Variants in AKAP6 observed in about 807,000 individuals in gnomAD.
AKAP6 encodes the protein A-kinase anchoring protein 6.
A neutral mutation model predicts 188.5 loss-of-function variants in AKAP6; 58 were observed. The observed-to-expected ratio is 0.31, with a 90% CI of 0.25 to 0.38. The LOEUF (loss-of-function observed/expected upper bound fraction) is 0.38. AKAP6 is among the 10% of genes least tolerant of loss of function. The probability of loss-of-function intolerance (pLI) is 1.00; values close to 1 mark genes in which losing one functional copy is unlikely to be tolerated. For missense variants in AKAP6, 2,710 were observed against 2,740.0 expected (o/e 0.99, Z 0.24); for synonymous variants, 989 against 998.6 (o/e 0.99, Z 0.18).
At chr14:32,530,112 C>T (rs1431261815) in intron 2 of AKAP6, among the ~76,000 whole-genome samples, 3 of 151,780 alleles carry the variant, frequency 2.0e-5, no homozygotes, top group Non-Finnish European at 2.9e-5. Flanking sequence ...CTGCAGCCTA[C>T]ACCTCGTGGG....
chr14:32,722,812 C>A (rs1482661162), intron 9 of AKAP6, among the ~76,000 whole-genome samples: 17 of 152,186 alleles, frequency 1.1e-4, no homozygotes, highest in Admixed American at 1.1e-3. Flanking sequence ...ATTTGTGTGA[C>A]CTAATTCTTC....
intron 1 of AKAP6, among the ~76,000 whole-genome samples, chr14:32,416,880 G>A (rs950076653): frequency 1.3e-5 from 2 of 151,970 alleles, no homozygotes; most frequent in African/African-American, 4.8e-5. Flanking sequence ...CTGTCACCCA[G>A]GCTGGTGTTC....
At chr14:32,732,861 T>C (rs2031246854) in intron 10 of AKAP6, 3 of 601,916 alleles carry the variant, frequency 5.0e-6, no homozygotes, top group Non-Finnish European at 8.8e-6. Flanking sequence ...AAATATGCCA[T>C]GTATTATGGG....
intron 8 of AKAP6, among the ~76,000 whole-genome samples, chr14:32,683,035 C>T (rs1382894539): frequency 1.5e-5 from 2 of 130,346 alleles, no homozygotes; most frequent in Non-Finnish European, 3.2e-5. Context: ...GCTCTGTCGC[C>T]CAGGCTGGAG....
chr14:32,626,571 A>T (rs1271122789), intron 7 of AKAP6, among the ~76,000 whole-genome samples: 2 of 151,990 alleles, frequency 1.3e-5, no homozygotes, highest in Non-Finnish European at 2.9e-5. Flanking sequence ...ACCTCAGTCC[A>T]CTGGACCTGC....
rs181136877 is a variant in AKAP6 at position 32,616,143 on chromosome 14, C to T, written c.2730+15351C>T. Among the ~76,000 whole-genome samples the T allele has an allele frequency of 7.2e-4, 109 of 152,252 alleles. 1 individual carries two copies. The Middle Eastern group carries it at 0.01, about 14-fold the overall frequency. On this transcript the variant is annotated intron_variant, in intron 7 of 13. Coordinates refer to ENST00000280979, the MANE Select transcript of AKAP6 (RefSeq NM_004274.5). ...TTGCAGATAAAAAGGAATACTTATA[C>T]AGTGTTGGTGGGAGTGTAAATTAGC...
chr14:32,749,000 A>G (rs2032022231), intron 11 of AKAP6, among the ~76,000 whole-genome samples: 1 of 152,188 alleles, frequency 6.6e-6, no homozygotes, highest in Admixed American at 6.5e-5. Flanking sequence ...AAGGAGAGAA[A>G]CAAAATTTAT....
At position 32,531,754 on chromosome 14, in the gene AKAP6, G is replaced by C. The variant is rs144858179; in HGVS notation, c.325-3800G>C. On this transcript the variant is annotated intron_variant, in intron 2 of 13. Coordinates refer to ENST00000280979, the MANE Select transcript of AKAP6 (RefSeq NM_004274.5). ...AGAATTATACAGTGTGTAACATTTT[G>C]AGACTGGCTTCTTTCACTTAGTGTA... Among the ~76,000 whole-genome samples, 465 of 152,284 alleles carry C rather than the reference G, an allele frequency of 3.1e-3. 5 individuals are homozygous for C. The highest frequency in any genetic ancestry group is 0.011 in the African/African-American group (452 of 41,540).
intron 4 of AKAP6, among the ~76,000 whole-genome samples, chr14:32,573,556 A>C (rs1360337660): frequency 6.6e-6 from 1 of 152,130 alleles, no homozygotes; most frequent in East Asian, 1.9e-4. Context: ...TAGACATGCT[A>C]TATGTTCTGC....
At chr14:32,674,029 T>C (rs1442908462) in intron 7 of AKAP6, among the ~76,000 whole-genome samples, 1 of 152,176 alleles carries the variant, frequency 6.6e-6, no homozygotes, top group Non-Finnish European at 1.5e-5. Context: ...AGGCAAGGCC[T>C]CTCTGAGAAG....
At chr14:32,513,987 C>A (rs765062887) in intron 2 of AKAP6, among the ~76,000 whole-genome samples, 10 of 152,228 alleles carry the variant, frequency 6.6e-5, no homozygotes, top group South Asian at 2.1e-4. Context: ...ACTCATCTCT[C>A]TTTTTATAAT....
In AKAP6 at chr14:32,830,103, C is replaced by T. The variant is rs908085960; in HGVS notation, c.*298C>T. The T allele has an allele frequency of 3.2e-6, 2 of 616,802 alleles. No homozygotes were observed. Among genetic ancestry groups the T allele is most frequent in the South Asian group, 3.8e-5 (2 of 52,716 alleles). 38.2% of individuals were successfully genotyped at this position (616,802 alleles called of 1,614,324 possible). On this transcript the variant is annotated 3_prime_UTR_variant, in exon 14 of 14. Transcript: ENST00000280979. ...CCCAAGCTACCTCTACCAACCCTCT[C>T]TCTCCAGCTAGACTTTTCTCTTTGC... is the stretch of plus-strand genomic sequence containing the variant.
intron 7 of AKAP6, among the ~76,000 whole-genome samples, chr14:32,658,804 A>C (rs8013267): frequency 0.057 from 8,628 of 151,102 alleles, 801 homozygotes; most frequent in African/African-American, 0.19. Flanking sequence ...AAGCCTAACT[A>C]TATTTCTTTC....
chr14:32,776,042 T>C (rs2033050607), intron 12 of AKAP6, among the ~76,000 whole-genome samples: 1 of 152,214 alleles, frequency 6.6e-6, no homozygotes, highest in Non-Finnish European at 1.5e-5. Context: ...GTTGGTTGAG[T>C]GAAGAGTCCA....
chr14:32,660,935 T>A (rs59050286), intron 7 of AKAP6, among the ~76,000 whole-genome samples: 11 of 39,034 alleles, frequency 2.8e-4, no homozygotes, highest in East Asian at 2.4e-3. Flanking sequence ...CCCCCCCCCC[T>A]CCCAATTCCA....
chr14:32,488,977 C>T (rs1026291449), intron 2 of AKAP6, among the ~76,000 whole-genome samples: 4 of 152,130 alleles, frequency 2.6e-5, no homozygotes, highest in Non-Finnish European at 5.9e-5. Flanking sequence ...CCGGTAATCC[C>T]CTGGTTTTAT....
At chr14:32,430,902 G>A (rs1029981946) in intron 1 of AKAP6, among the ~76,000 whole-genome samples, 1 of 151,970 alleles carries the variant, frequency 6.6e-6, no homozygotes, top group Non-Finnish European at 1.5e-5. Flanking sequence ...GTCAGGAGAT[G>A]GAGACCATCC....
intron 7 of AKAP6, among the ~76,000 whole-genome samples, chr14:32,643,327 A>G (rs1014124010): frequency 1.4e-5 from 2 of 146,570 alleles, no homozygotes; most frequent in African/African-American, 2.5e-5. Flanking sequence ...TTTTTTTTTT[A>G]GACGGAGTCT....
chr14:32,756,393 T>G (rs889334833), intron 11 of AKAP6, among the ~76,000 whole-genome samples: 3 of 151,990 alleles, frequency 2.0e-5, no homozygotes, highest in African/African-American at 7.3e-5. Context: ...AGGGTGAGCC[T>G]GGATCCTGGG....
Sources: gnomAD v4.1 joint callset for allele counts (sites outside exome capture counted in the v4.1 genomes callset) on GRCh38, gnomAD v4.1.1 for gene constraint, MANE v1.5 for transcripts, NCBI Gene and HGNC (gene_info 2026-07-23, HGNC 2026-07-21) for gene names.